The following ENOX1 variants were observed in gnomAD, a reference collection of about 807,000 sequenced individuals.
The protein encoded by ENOX1 is ecto-NOX disulfide-thiol exchanger 1.
Under a neutral mutation model 82.5 loss-of-function variants are expected in ENOX1, and 42 were observed. The observed-to-expected ratio is 0.51, with a 90% CI of 0.40 to 0.66. The LOEUF (loss-of-function observed/expected upper bound fraction) is 0.66, where lower values mean the gene tolerates loss of function less well. Ranked by LOEUF, ENOX1 falls within the 30% of genes least tolerant of loss-of-function variation. The pLI is 0.00. For missense variants in ENOX1, 608 were observed against 811.6 expected, an observed-to-expected ratio of 0.75 and a Z score of 3.05; for synonymous variants, 271 against 282.2, an observed-to-expected ratio of 0.96 and a Z score of 0.40.
intron 1 of ENOX1, among the ~76,000 whole-genome samples, chr13:43,724,604 A>G (rs1286947225): frequency 6.6e-6 from 1 of 152,244 alleles, no homozygotes; most frequent in African/African-American, 2.4e-5. Context: ...CACCGAATCC[A>G]TAAGTGTAGA....
intron 3 of ENOX1, chr13:43,458,993 C>T (rs1594732252): frequency 6.6e-6 from 1 of 152,168 alleles, no homozygotes; most frequent in East Asian, 1.9e-4. Context: ...CCCACTCTAA[C>T]ATATGTTTCT....
intron 2 of ENOX1, among the ~76,000 whole-genome samples, chr13:43,531,244 C>A (rs1309820099): frequency 6.6e-6 from 1 of 151,582 alleles, no homozygotes; most frequent in Admixed American, 6.6e-5. Flanking sequence ...AACAAACAAC[C>A]CCATTGAAAA....
At chr13:43,641,529 A>ATTTT (rs769737189) in intron 2 of ENOX1, among the ~76,000 whole-genome samples, 11,786 of 82,940 alleles carry the variant, frequency 0.14, 2,240 homozygotes, top group African/African-American at 0.32. Context: ...TTAATTTTTA[A>ATTTT]TTTTTTTTTT....
intron 2 of ENOX1, among the ~76,000 whole-genome samples, chr13:43,551,366 T>A (rs2079188401): frequency 6.6e-6 from 1 of 152,156 alleles, no homozygotes; most frequent in African/African-American, 2.4e-5. Context: ...ATCCCTGGGA[T>A]GAAACCAATT....
intron 11 of ENOX1, among the ~76,000 whole-genome samples, chr13:43,321,364 G>T (rs1019189482): frequency 1.3e-5 from 2 of 152,194 alleles, no homozygotes; most frequent in Admixed American, 6.5e-5. Flanking sequence ...CTGCTTTAAA[G>T]AAATTAGAGC....
chr13:43,500,157 A>C (rs926632481), intron 2 of ENOX1, among the ~76,000 whole-genome samples: 1 of 152,128 alleles, frequency 6.6e-6, no homozygotes, highest in Non-Finnish European at 1.5e-5. Context: ...GGACACTCAG[A>C]AGAAGAGAAA....
intron 2 of ENOX1, among the ~76,000 whole-genome samples, chr13:43,602,924 T>A (rs1306396169): frequency 6.6e-6 from 1 of 152,126 alleles, no homozygotes; most frequent in Non-Finnish European, 1.5e-5. Context: ...GGAAAAAGTA[T>A]CAAAAAGTAC....
intron 5 of ENOX1, among the ~76,000 whole-genome samples, chr13:43,411,435 T>C (rs2054119726): frequency 6.6e-6 from 1 of 152,196 alleles, no homozygotes; most frequent in Non-Finnish European, 1.5e-5. Flanking sequence ...ACAGGGAATT[T>C]AGTGTCAGCT....
At chr13:43,582,028 G>C (rs1182724711) in intron 2 of ENOX1, among the ~76,000 whole-genome samples, 1 of 151,722 alleles carries the variant, frequency 6.6e-6, no homozygotes, top group Non-Finnish European at 1.5e-5. Context: ...TACAAAACAG[G>C]CACAAAATTT....
chr13:43,718,142 C>T (rs1431839945), intron 1 of ENOX1, among the ~76,000 whole-genome samples: 4 of 152,238 alleles, frequency 2.6e-5, no homozygotes, highest in Admixed American at 1.3e-4. Flanking sequence ...AGTTGCCCTT[C>T]GACAGTGGTT....
At chr13:43,776,217 G>A (rs1015814822) in intron 1 of ENOX1, among the ~76,000 whole-genome samples, 6 of 152,104 alleles carry the variant, frequency 3.9e-5, no homozygotes, top group Non-Finnish European at 8.8e-5. Flanking sequence ...AAGAACTGCT[G>A]GTAGAAAATA....
At chr13:43,777,504 T>A (rs1394116164) in intron 1 of ENOX1, among the ~76,000 whole-genome samples, 1 of 152,146 alleles carries the variant, frequency 6.6e-6, no homozygotes, top group Non-Finnish European at 1.5e-5. Context: ...TAAGATGTTA[T>A]CTTTGTGCAA....
At chr13:43,441,630 C>T (rs183579817) in intron 3 of ENOX1, among the ~76,000 whole-genome samples, 1 of 152,280 alleles carries the variant, frequency 6.6e-6, no homozygotes, top group African/African-American at 2.4e-5. Flanking sequence ...AGCTCTCCCA[C>T]CTGGAGGTCC....
At chr13:43,351,667 A>G (rs994498338) in intron 8 of ENOX1, among the ~76,000 whole-genome samples, 1 of 145,324 alleles carries the variant, frequency 6.9e-6, no homozygotes, top group African/African-American at 2.5e-5. Context: ...ATGAGTGAGA[A>G]TATGCGGTGT....
chr13:43,221,604 A>G (rs1343974329), intron 16 of ENOX1, among the ~76,000 whole-genome samples: 1 of 152,200 alleles, frequency 6.6e-6, no homozygotes, highest in East Asian at 1.9e-4. Context: ...AGAGTGGGTA[A>G]TTTAGAAAAG....
chr13:43,541,173 G>GTTTTTTTTCTTTTTTTTTTTTTTTTTTTT (rs2078697780), intron 2 of ENOX1, among the ~76,000 whole-genome samples: 1 of 64,574 alleles, frequency 1.5e-5, no homozygotes, highest in Non-Finnish European at 3.2e-5. Context: ...TCTTCCCTCT[G>GTTTTTTTTCTTTTTTTTTTTTTTTTTTTT]TTTTTTTTTT....
chr13:43,513,686 T>C (rs2077456154), intron 2 of ENOX1, among the ~76,000 whole-genome samples: 2 of 152,190 alleles, frequency 1.3e-5, no homozygotes, highest in Non-Finnish European at 2.9e-5. Flanking sequence ...TTTATGACCA[T>C]ATCTGCATTT....
intron 2 of ENOX1, among the ~76,000 whole-genome samples, chr13:43,530,797 A>C (rs1185472862): frequency 1.3e-5 from 2 of 152,178 alleles, no homozygotes; most frequent in Non-Finnish European, 2.9e-5. Context: ...CATTTATTTA[A>C]ACCCAGTTAA....
intron 1 of ENOX1, among the ~76,000 whole-genome samples, chr13:43,671,338 T>C (rs2085257622): frequency 6.6e-6 from 1 of 152,182 alleles, no homozygotes; most frequent in Admixed American, 6.5e-5. Flanking sequence ...CAATATAGGG[T>C]GTTGGATGTA....
Sources: gnomAD v4.1 joint callset for allele counts (sites outside exome capture counted in the v4.1 genomes callset) on GRCh38, gnomAD v4.1.1 for gene constraint, MANE v1.5 for transcripts, NCBI Gene and HGNC (gene_info 2026-07-23, HGNC 2026-07-21) for gene names.